The following GXYLT1 variants were observed in gnomAD, a reference collection of about 807,000 sequenced individuals.
GXYLT1 encodes the protein glycosyltransferase 8 domain containing 3.
Under a neutral mutation model 54.0 loss-of-function variants are expected in GXYLT1, and 29 were observed. The ratio of observed to expected loss-of-function variants is 0.54; its 90% CI spans 0.40 to 0.73. GXYLT1 has a LOEUF of 0.73. Among genes scored for constraint, GXYLT1 ranks in the 30% least tolerant of loss-of-function variants. The probability of loss-of-function intolerance (pLI) is 0.00; values close to 1 mark genes in which losing one functional copy is unlikely to be tolerated. For synonymous variants in GXYLT1, 176 were observed against 204.1 expected (o/e 0.86, Z 1.17); for missense variants, 490 against 553.4 (o/e 0.89, Z 1.15).
intron 1 of GXYLT1, among the ~76,000 whole-genome samples, chr12:42,135,921 G>T: frequency 6.6e-6 from 1 of 152,140 alleles, no homozygotes; most frequent in East Asian, 1.9e-4. Context: ...TAAATTTATT[G>T]ATCATAATTC....
chr12:42,126,452 G>C (rs117972999), intron 2 of GXYLT1, among the ~76,000 whole-genome samples: 12 of 152,196 alleles, frequency 7.9e-5, no homozygotes, highest in Non-Finnish European at 1.5e-4. Context: ...AGGGATTTTT[G>C]ATTTTGTTTT....
In GXYLT1 at chr12:42,087,665, GAA is replaced by G; in HGVS notation, c.*119_*120del. On this transcript the variant is annotated 3_prime_UTR_variant, in exon 8 of 8. Coordinates refer to ENST00000398675, the MANE Select transcript of GXYLT1 (RefSeq NM_173601.2). ...AATACTGCTTACTTAACTTCTTTAG[GAA>G]AAAAAAAATTATTCTGGAGATGAGT... 1.5e-6 allele frequency: 1 copy of G among 653,274 alleles called. No individual in the cohort carries two copies. 40.5% of individuals were successfully genotyped at this position (653,274 alleles called of 1,614,324 possible).
At chr12:42,094,641 A>C (rs551867134) in intron 7 of GXYLT1, among the ~76,000 whole-genome samples, 85 of 152,190 alleles carry the variant, frequency 5.6e-4, no homozygotes, top group African/African-American at 1.9e-3. Flanking sequence ...CCTGGGTGAC[A>C]GAGCAAGACC....
chr12:42,144,861 T>A lies in GXYLT1; in HGVS notation c.-215A>T. 1 of 329,568 alleles carries A rather than the reference T, an allele frequency of 3.0e-6. No homozygotes were observed. Among genetic ancestry groups the A allele is most frequent in the Non-Finnish European group, 5.6e-6 (1 of 180,118 alleles). 20.4% of individuals were successfully genotyped at this position (329,568 alleles called of 1,614,324 possible). On this transcript the variant is annotated 5_prime_UTR_variant, in exon 1 of 8. Coordinates refer to ENST00000398675, the MANE Select transcript of GXYLT1 (RefSeq NM_173601.2). ...CCGAAGGACTACCCGCCCGGAAGCC[T>A]GGACACCGCCTCTGCCGCCGCGCGC...
intron 5 of GXYLT1, among the ~76,000 whole-genome samples, chr12:42,098,357 T>C (rs955084364): frequency 2.0e-5 from 3 of 152,290 alleles, no homozygotes; most frequent in South Asian, 2.1e-4. Context: ...ATGATTAAAA[T>C]TGTTAATATA....
intron 5 of GXYLT1, among the ~76,000 whole-genome samples, chr12:42,105,279 C>T (rs1199273728): frequency 3.3e-5 from 5 of 152,190 alleles, no homozygotes; most frequent in East Asian, 3.9e-4. Flanking sequence ...ACTGGAAACA[C>T]GCAGGAATTT....
At chr12:42,135,741 G>GC (rs1294164554) in intron 1 of GXYLT1, among the ~76,000 whole-genome samples, 1 of 152,198 alleles carries the variant, frequency 6.6e-6, no homozygotes, top group Non-Finnish European at 1.5e-5. Context: ...TATGTAAAAT[G>GC]CCCCAAACAG....
intron 7 of GXYLT1, among the ~76,000 whole-genome samples, chr12:42,096,743 G>T (rs1460873705): frequency 6.6e-6 from 1 of 152,076 alleles, no homozygotes; most frequent in Non-Finnish European, 1.5e-5. Flanking sequence ...ATTTTAAAAG[G>T]TTCTTCCCAT....
chr12:42,105,734 G>A (rs2065415265), intron 5 of GXYLT1, 84 bp downstream of exon 5: 1 of 936,334 alleles, frequency 1.1e-6, no homozygotes. Flanking sequence ...GTTCAATTTA[G>A]TTTTTAATAA....
chr12:42,107,516 C>T (rs541081058), intron 4 of GXYLT1, among the ~76,000 whole-genome samples: 139 of 152,238 alleles, frequency 9.1e-4, no homozygotes, highest in Middle Eastern at 6.8e-3. Context: ...TACGGCAAAA[C>T]GCTGTCTCTA....
intron 1 of GXYLT1, among the ~76,000 whole-genome samples, chr12:42,137,503 C>CCA (rs1555143216): frequency 2.8e-5 from 2 of 71,670 alleles, no homozygotes; most frequent in Non-Finnish European, 2.5e-5. Flanking sequence ...GCATCTGTTT[C>CCA]AAAAAAAAAA....
intron 1 of GXYLT1, 59 bp downstream of exon 1, chr12:42,144,367 C>T: frequency 8.4e-7 from 1 of 1,194,666 alleles, no homozygotes; most frequent in Non-Finnish European, 1.1e-6. Flanking sequence ...CGGGCTAGGC[C>T]GAGCCCGCGC....
chr12:42,099,567 A>C (rs973226872), intron 5 of GXYLT1, among the ~76,000 whole-genome samples: 6 of 152,164 alleles, frequency 3.9e-5, no homozygotes, highest in Non-Finnish European at 8.8e-5. Flanking sequence ...CTTAATAGTT[A>C]TGATGTCAGG....
intron 7 of GXYLT1, among the ~76,000 whole-genome samples, chr12:42,091,472 C>A (rs759013428): frequency 3.3e-5 from 5 of 152,198 alleles, no homozygotes; most frequent in Non-Finnish European, 5.9e-5. Flanking sequence ...GAATGCATTT[C>A]TTTTCTATCC....
intron 5 of GXYLT1, among the ~76,000 whole-genome samples, chr12:42,102,612 A>G (rs1466498752): frequency 1.3e-5 from 2 of 152,306 alleles, no homozygotes; most frequent in East Asian, 3.9e-4. Flanking sequence ...ACTCTACAAA[A>G]TAATATATAG....
intron 1 of GXYLT1, among the ~76,000 whole-genome samples, chr12:42,136,835 GCGAACACGGTT>G (rs1351953487): frequency 2.0e-5 from 3 of 151,872 alleles, no homozygotes; most frequent in Non-Finnish European, 4.4e-5. Flanking sequence ...GTTCAGTGGT[GCGAACACGGTT>G]CATTGCAGCC....
chr12:42,087,073 C>T lies in GXYLT1; in HGVS notation c.*713G>A, dbSNP rs1413330481. The T allele has an allele frequency of 1.3e-5, 2 of 152,122 alleles. No individual in the cohort carries two copies. Among genetic ancestry groups the T allele is most frequent in the Non-Finnish European group, 2.9e-5 (2 of 68,004 alleles). The allele number at this position is 152,122 out of a possible 1,614,324, so 9.4% of individuals were successfully genotyped here. A position where few individuals can be genotyped will look rare whatever the true frequency, so the allele number is the denominator to read the frequency against. On this transcript the variant is annotated 3_prime_UTR_variant, in exon 8 of 8. Transcript: ENST00000398675. ...ATCTTAGATCTGAGTTTTGGCAAGA[C>T]AGTTTAATGCATACAAAATGAAACA...
intron 7 of GXYLT1, among the ~76,000 whole-genome samples, chr12:42,094,269 T>C (rs1251505470): frequency 6.7e-6 from 1 of 149,990 alleles, no homozygotes; most frequent in African/African-American, 2.5e-5. Context: ...GAGGATCAAC[T>C]GAATCCAGAA....
intron 1 of GXYLT1, among the ~76,000 whole-genome samples, 164 bp downstream of exon 1, chr12:42,144,262 G>A (rs866849917): frequency 3.7e-4 from 55 of 150,332 alleles, no homozygotes; most frequent in African/African-American, 1.2e-3. Flanking sequence ...AGCAGCGCAG[G>A]TTTAGCCCCG....
Sources: gnomAD v4.1 joint callset for allele counts (sites outside exome capture counted in the v4.1 genomes callset) on GRCh38, gnomAD v4.1.1 for gene constraint, MANE v1.5 for transcripts, NCBI Gene and HGNC (gene_info 2026-07-23, HGNC 2026-07-21) for gene names.